The following FYCO1 variants were observed in gnomAD, a reference collection of about 807,000 sequenced individuals.
The protein encoded by FYCO1 is FYVE and coiled-coil domain autophagy adaptor 1, also known as FYVE and coiled-coil domain-containing protein 1.
Under a neutral mutation model 165.1 loss-of-function variants are expected in FYCO1, and 122 were observed. That is an observed-to-expected ratio of 0.74 (90% confidence interval 0.64 to 0.86). FYCO1 has a LOEUF of 0.86. FYCO1 is among the 40% of genes least tolerant of loss of function. The pLI is 0.00. For missense variants in FYCO1, 1,702 were observed against 1,810.3 expected, an observed-to-expected ratio of 0.94 and a Z score of 1.09; for synonymous variants, 648 against 742.5, an observed-to-expected ratio of 0.87 and a Z score of 2.07.
chr3:45,966,783 G>C lies in FYCO1; in HGVS notation c.2551C>G (p.Arg851Gly). The C allele has an allele frequency of 2.5e-6, 4 of 1,609,712 alleles. No homozygotes were observed. The highest frequency in any genetic ancestry group is 2.5e-6 in the Non-Finnish European group (3 of 1,179,986). The change falls in exon 8 of 18, where the codon CGT becomes GGT. Residue 851 changes from arginine (R) to glycine (G), a missense_variant. Arg to Gly is a moderately radical substitution (Grantham distance 125, BLOSUM62 -2). Transcript: ENST00000296137. ...HVQELLQCSE[R>G]EGALQEERAD... ...CTCTCCTCCTGCAGTGCCCCTTCAC[G>C]CTCCGAGCATTGCAGCAGCTCCTGG...
chr3:45,991,718 G>A (rs1057434949), intron 1 of FYCO1, among the ~76,000 whole-genome samples: 1 of 141,250 alleles, frequency 7.1e-6, no homozygotes, highest in Non-Finnish European at 1.6e-5. Flanking sequence ...AAAATGAAAA[G>A]CACCGCCACC....
Position 45,936,437 on chromosome 3 carries a change from T to C in FYCO1, c.4040+11A>G, listed in dbSNP as rs370189051. 10 of 1,603,958 alleles carry C rather than the reference T, an allele frequency of 6.2e-6. No individual in the cohort carries two copies. The highest frequency in any genetic ancestry group is 2.7e-5 in the African/African-American group (2 of 74,684). On this transcript the variant is annotated intron_variant, in intron 15 of 17. Coordinates refer to ENST00000296137, the MANE Select transcript of FYCO1 (RefSeq NM_024513.4). The stretch of plus-strand genomic sequence containing the variant: ...CACCTGGGGAGGGCCCAGGCAGCAG[T>C]TGCCACTTACATCAGTTCTCCAGAC...
chr3:45,965,565 CT>C (rs1423095920), intron 8 of FYCO1, among the ~76,000 whole-genome samples: 1 of 152,226 alleles, frequency 6.6e-6, no homozygotes, highest in Admixed American at 6.5e-5. Context: ...TCCTTAACCC[CT>C]CATCTTTGTG....
intron 14 of FYCO1, among the ~76,000 whole-genome samples, chr3:45,937,828 T>C (rs1703983914): frequency 6.6e-6 from 1 of 152,140 alleles, no homozygotes; most frequent in Admixed American, 6.5e-5. Flanking sequence ...TTCTTTTTGC[T>C]TTCCAGCCGC....
chr3:45,966,315 G>A lies in FYCO1; in HGVS notation c.3019C>T (p.Leu1007=). 6.2e-7 allele frequency: 1 copy of A among 1,614,196 alleles called. No homozygotes were observed. Among genetic ancestry groups the A allele is most frequent in the Non-Finnish European group, 8.5e-7 (1 of 1,180,034 alleles). Residue 1007 remains leucine, a synonymous_variant, in exon 8 of 18, where the codon CTG becomes TTG. Transcript: ENST00000296137. The part of the protein sequence containing the change: ...HQELNTLKFQ[L]SAEIMDYQSR... ...TGGTAGTCCATGATTTCAGCACTCA[G>A]CTGGAACTTGAGGGTGTTGAGCTCC...
intron 17 of FYCO1, among the ~76,000 whole-genome samples, chr3:45,923,391 A>T (rs1317685726): frequency 6.6e-6 from 1 of 152,174 alleles, no homozygotes; most frequent in Non-Finnish European, 1.5e-5. Context: ...CCTGGTTCAG[A>T]TCCAGCTCCA....
intron 5 of FYCO1, among the ~76,000 whole-genome samples, chr3:45,974,592 G>C (rs574695362): frequency 6.6e-6 from 1 of 152,268 alleles, no homozygotes; most frequent in Non-Finnish European, 1.5e-5. Context: ...TACTCCAAAA[G>C]GAAAGGGGCC....
chr3:45,944,185 T>C (rs955333416), intron 14 of FYCO1, among the ~76,000 whole-genome samples: 2 of 146,706 alleles, frequency 1.4e-5, no homozygotes, highest in Non-Finnish European at 2.9e-5. Flanking sequence ...TTTGTGTGTG[T>C]GCGTGTGTGT....
chr3:45,933,270 C>T (rs1341578043), intron 15 of FYCO1, among the ~76,000 whole-genome samples: 2 of 152,222 alleles, frequency 1.3e-5, no homozygotes, highest in Non-Finnish European at 2.9e-5. Context: ...TTGCAGTGTT[C>T]TGAGATAATC....
chr3:45,967,585 C>G lies in FYCO1; in HGVS notation c.1749G>C (p.Glu583Asp), dbSNP rs757679610. ...GCTCCTCCTCTGGCTTCCCCCAGGC[C>G]TCTTGCAGACTGGAGTTCACAGGGA... is the stretch of plus-strand genomic sequence containing the variant. ...ALVPVNSSLQ[E>D]AWGKPEEEQR... The change falls in exon 8 of 18, where the codon GAG becomes GAC. Residue 583 changes from glutamate (E) to aspartate (D), a missense_variant. By Grantham distance (45) the Glu-to-Asp change is conservative (BLOSUM62 2). Transcript: ENST00000296137. 1.2e-6 allele frequency: 2 copies of G among 1,614,138 alleles called. No homozygotes were observed. The highest frequency in any genetic ancestry group is 1.3e-5 in the African/African-American group (1 of 75,050).
rs752562446 is a variant in FYCO1 at position 45,967,361 on chromosome 3, C to G, written c.1973G>C (p.Gly658Ala). The G allele has an allele frequency of 1.2e-6, 2 of 1,609,424 alleles. No individual in the cohort carries two copies. The highest frequency in any genetic ancestry group is 1.7e-6 in the Non-Finnish European group (2 of 1,176,928). The stretch of plus-strand genomic sequence containing the variant: ...CTCGGCCTCCAGGGAGGCCAAGGAG[C>G]CCTGGATGGCTGATTCCCGCTGCTG... ...ALQQRESAIQ[G>A]SLASLEAEQA... is the part of the protein sequence containing the mutation. The change falls in exon 8 of 18, where the codon GGC becomes GCC. Residue 658 changes from glycine to alanine, a missense_variant. By Grantham distance (60) the Gly-to-Ala change is moderately conservative. Transcript: ENST00000296137.
chr3:45,994,395 T>C (rs1200657740), intron 1 of FYCO1, among the ~76,000 whole-genome samples: 1 of 152,212 alleles, frequency 6.6e-6, no homozygotes, highest in African/African-American at 2.4e-5. Context: ...ATAAACTCTA[T>C]TTCCTAAAGC....
intron 16 of FYCO1, among the ~76,000 whole-genome samples, chr3:45,924,947 T>A (rs371386651): frequency 6.7e-5 from 9 of 134,574 alleles, no homozygotes; most frequent in African/African-American, 2.5e-4. Context: ...ATTTTTTTTT[T>A]AAGATGGAGT....
chr3:45,944,876 T>A (rs1252121115), intron 14 of FYCO1: 1 of 152,190 alleles, frequency 6.6e-6, no homozygotes. Flanking sequence ...TGAAAAAATA[T>A]GTTTTTGCCC....
chr3:45,958,339 G>C (rs1205990019), intron 13 of FYCO1, 69 bp downstream of exon 13: 3 of 1,403,724 alleles, frequency 2.1e-6, no homozygotes, highest in African/African-American at 2.8e-5. Context: ...GCACTAACTA[G>C]CCACAACATC....
chr3:45,940,335 A>G (rs889817502), intron 14 of FYCO1, among the ~76,000 whole-genome samples: 2 of 152,242 alleles, frequency 1.3e-5, no homozygotes, highest in African/African-American at 2.4e-5. Flanking sequence ...GGTAATCAGC[A>G]GCTTCCTGAC....
chr3:45,958,369 C>G (rs779889431), intron 13 of FYCO1, 39 bp downstream of exon 13: 6 of 1,577,516 alleles, frequency 3.8e-6, no homozygotes, highest in Non-Finnish European at 5.2e-6. Context: ...GGAAGTGGCA[C>G]CTAGAGAACA....
In FYCO1 at chr3:45,919,642, T is replaced by C. The variant is rs1044139688; in HGVS notation, c.*2123A>G. 6.6e-6 allele frequency: 1 copy of C among 152,240 alleles called. No individual in the cohort carries two copies. The highest frequency in any genetic ancestry group is 1.5e-5 in the Non-Finnish European group (1 of 68,060). The allele number at this position is 152,240 out of a possible 1,614,324, so 9.4% of individuals were successfully genotyped here. ...AGTGAATGGTGGTTCTTGTTGCATA[T>C]GGTGCCAGTGACACTTCAGAAGGTC... is the stretch of plus-strand genomic sequence containing the variant. On this transcript the variant is annotated 3_prime_UTR_variant, in exon 18 of 18. Transcript: ENST00000296137.
At chr3:45,949,545 C>T (rs1456624281) in intron 14 of FYCO1, among the ~76,000 whole-genome samples, 5 of 152,184 alleles carry the variant, frequency 3.3e-5, no homozygotes, top group African/African-American at 1.2e-4. Flanking sequence ...ACAGCTCCAC[C>T]ACCATGTACC....
Sources: gnomAD v4.1 joint callset for allele counts (sites outside exome capture counted in the v4.1 genomes callset) on GRCh38, gnomAD v4.1.1 for gene constraint, MANE v1.5 for transcripts, NCBI Gene and HGNC (gene_info 2026-07-23, HGNC 2026-07-21) for gene names.